The following LYPD6B variants were observed in gnomAD, a reference collection of about 807,000 sequenced individuals.
The protein encoded by LYPD6B is ly6/PLAUR domain-containing protein 6B.
A neutral mutation model predicts 22.8 loss-of-function variants in LYPD6B; 17 were observed. That is an observed-to-expected ratio of 0.75 (90% CI 0.51 to 1.12). The LOEUF is 1.12. Among genes scored for constraint, LYPD6B ranks in the 50% most tolerant of loss-of-function variants. The probability of loss-of-function intolerance (pLI) is 0.00; values close to 1 mark genes in which losing one functional copy is unlikely to be tolerated. For synonymous variants in LYPD6B, 106 were observed against 91.6 expected (o/e 1.16, Z -0.90); for missense variants, 221 against 258.3 (o/e 0.86, Z 0.99).
chr2:149,044,378 G>A (rs1221989672), intron 1 of LYPD6B, among the ~76,000 whole-genome samples: 10 of 151,808 alleles, frequency 6.6e-5, no homozygotes, highest in Non-Finnish European at 1.3e-4. Context: ...TTCATTTTGG[G>A]GATTGCTGTT....
chr2:149,142,600 G>A (rs1157694820), intron 2 of LYPD6B, among the ~76,000 whole-genome samples: 2 of 152,028 alleles, frequency 1.3e-5, no homozygotes, highest in African/African-American at 4.8e-5. Context: ...TTTCTTTTGT[G>A]TGTGTTGTAT....
At chr2:149,152,128 G>A (rs1479682477) in intron 2 of LYPD6B, among the ~76,000 whole-genome samples, 1 of 151,692 alleles carries the variant, frequency 6.6e-6, no homozygotes, top group East Asian at 1.9e-4. Flanking sequence ...TTTCTTTTAT[G>A]TTTCTTTTAT....
chr2:149,199,106 C>T (rs7590228), intron 3 of LYPD6B, among the ~76,000 whole-genome samples: 128,900 of 152,142 alleles, frequency 0.85, 55,828 homozygotes, highest in South Asian at 0.97. Flanking sequence ...AAAGCAAGGG[C>T]GAAGGAGGGA....
intron 1 of LYPD6B, among the ~76,000 whole-genome samples, chr2:149,086,280 C>T (rs1685385354): frequency 6.6e-6 from 1 of 152,102 alleles, no homozygotes; most frequent in Non-Finnish European, 1.5e-5. Flanking sequence ...AGAAAGCAGC[C>T]ATCCATTCTT....
chr2:149,061,802 T>C (rs1684096073), intron 1 of LYPD6B, among the ~76,000 whole-genome samples: 1 of 152,198 alleles, frequency 6.6e-6, no homozygotes, highest in Non-Finnish European at 1.5e-5. Flanking sequence ...TTTTCTATTT[T>C]ACATTTGAGA....
At chr2:149,179,540 C>T (rs1691561009) in intron 3 of LYPD6B, among the ~76,000 whole-genome samples, 1 of 152,232 alleles carries the variant, frequency 6.6e-6, no homozygotes, top group Non-Finnish European at 1.5e-5. Context: ...ATATTTCTAA[C>T]TGGGATGTTT....
At chr2:149,044,505 A>T (rs936909405) in intron 1 of LYPD6B, among the ~76,000 whole-genome samples, 2 of 152,086 alleles carry the variant, frequency 1.3e-5, no homozygotes, top group Non-Finnish European at 2.9e-5. Flanking sequence ...GGAATTTTCT[A>T]CATAGACAAT....
At chr2:149,078,493 G>T (rs1684976090) in intron 1 of LYPD6B, among the ~76,000 whole-genome samples, 1 of 152,060 alleles carries the variant, frequency 6.6e-6, no homozygotes, top group South Asian at 2.1e-4. Context: ...CTATAACTTT[G>T]TCTCCTTCCA....
chr2:149,092,776 G>A (rs1216703835), intron 1 of LYPD6B, among the ~76,000 whole-genome samples: 1 of 152,184 alleles, frequency 6.6e-6, no homozygotes, highest in Admixed American at 6.5e-5. Context: ...GAGGCAGAGG[G>A]CCCTGCTCAG....
intron 1 of LYPD6B, among the ~76,000 whole-genome samples, chr2:149,102,663 T>C (rs1039834621): frequency 4.6e-5 from 7 of 152,184 alleles, no homozygotes; most frequent in Admixed American, 4.6e-4. Context: ...AGAGTCTCTT[T>C]CTGTCACCCA....
At chr2:149,042,021 C>T (rs1683108855) in intron 1 of LYPD6B, among the ~76,000 whole-genome samples, 1 of 152,170 alleles carries the variant, frequency 6.6e-6, no homozygotes, top group South Asian at 2.1e-4. Context: ...GCTGGGCACC[C>T]ACTGCCTACC....
chr2:149,198,077 C>T (rs1317906153), intron 3 of LYPD6B, among the ~76,000 whole-genome samples: 2 of 150,510 alleles, frequency 1.3e-5, no homozygotes, highest in African/African-American at 2.5e-5. Flanking sequence ...GAGTCTCGCT[C>T]TGTCACCCAG....
chr2:149,061,076 CTG>C (rs766735249), intron 1 of LYPD6B, among the ~76,000 whole-genome samples: 7 of 152,014 alleles, frequency 4.6e-5, no homozygotes, highest in Non-Finnish European at 1.0e-4. Flanking sequence ...GATCTAGACT[CTG>C]TGGAATGAGG....
intron 3 of LYPD6B, among the ~76,000 whole-genome samples, chr2:149,196,236 G>T (rs550281667): frequency 6.6e-5 from 10 of 152,192 alleles, no homozygotes; most frequent in Non-Finnish European, 1.3e-4. Flanking sequence ...TCAGAATGCA[G>T]AAATTTTTTA....
chr2:149,061,857 T>G (rs1684098174), intron 1 of LYPD6B, among the ~76,000 whole-genome samples: 1 of 152,190 alleles, frequency 6.6e-6, no homozygotes, highest in African/African-American at 2.4e-5. Flanking sequence ...CTTATAATGA[T>G]AGTTATTTAT....
intron 2 of LYPD6B, among the ~76,000 whole-genome samples, chr2:149,136,495 G>A (rs1274134149): frequency 2.0e-5 from 3 of 152,154 alleles, no homozygotes; most frequent in Admixed American, 1.3e-4. Context: ...TGGGTCACCA[G>A]CCATCTTATT....
chr2:149,064,770 A>T (rs1293431844), intron 1 of LYPD6B, among the ~76,000 whole-genome samples: 1 of 152,192 alleles, frequency 6.6e-6, no homozygotes, highest in Non-Finnish European at 1.5e-5. Flanking sequence ...GCTGGTGGGA[A>T]TTCTCTGTGC....
At chr2:149,049,724 A>G (rs1302604088) in intron 1 of LYPD6B, among the ~76,000 whole-genome samples, 1 of 152,210 alleles carries the variant, frequency 6.6e-6, no homozygotes, top group Non-Finnish European at 1.5e-5. Context: ...GTGAGTGTCA[A>G]AAAGTTATGT....
rs1454444460 is a variant in LYPD6B at position 149,120,375 on chromosome 2, A to ATTTTTT, written c.-66-10507_-66-10506insTTTTTT. On this transcript the variant is annotated intron_variant, in intron 1 of 6. Coordinates refer to ENST00000409642, the MANE Select transcript of LYPD6B (RefSeq NM_177964.5). ...TGTGTGTGTGTGTATATATATATAT[A>ATTTTTT]TATATATATTTTTTTTTTTTTTTTT... 2.0e-4 allele frequency among the ~76,000 whole-genome samples: 6 copies of ATTTTTT among 30,714 alleles called. 1 individual carries two copies. Among genetic ancestry groups the ATTTTTT allele is most frequent in the African/African-American group, 4.8e-4 (3 of 6,302 alleles). 20.1% of individuals were successfully genotyped at this position (30,714 alleles called of 152,430 possible).
Sources: allele counts gnomAD v4.1 joint callset (sites outside exome capture counted in the v4.1 genomes callset), GRCh38; gene constraint gnomAD v4.1.1; transcripts MANE v1.5; gene names NCBI Gene and HGNC (gene_info 2026-07-23, HGNC 2026-07-21).